Variants in SLC4A4 observed in about 807,000 individuals in gnomAD.
SLC4A4 encodes solute carrier family 4 member 4.
Under a neutral mutation model 111.5 loss-of-function variants are expected in SLC4A4, and 27 were observed. The ratio of observed to expected loss-of-function variants is 0.24; its 90% CI spans 0.18 to 0.33. The LOEUF (loss-of-function observed/expected upper bound fraction) is 0.33. Among genes scored for constraint, SLC4A4 ranks in the 10% least tolerant of loss-of-function variants. The pLI is 1.00. For missense variants in SLC4A4, 909 were observed against 1,315.5 expected (o/e 0.69, Z 4.78); for synonymous variants, 443 against 463.4 (o/e 0.96, Z 0.57).
intron 6 of SLC4A4, among the ~76,000 whole-genome samples, chr4:71,373,530 A>G (rs929382721): frequency 6.6e-6 from 1 of 152,212 alleles, no homozygotes; most frequent in Non-Finnish European, 1.5e-5. Context: ...AGTATAAATA[A>G]GAGTTTGTAT....
intron 1 of SLC4A4, among the ~76,000 whole-genome samples, chr4:71,211,775 T>G (rs1401217773): frequency 4.9e-3 from 2 of 406 alleles, no homozygotes; most frequent in East Asian, 0.12. Flanking sequence ...TTATCTGTTT[T>G]TTTTTTTTTT....
intron 24 of SLC4A4, among the ~76,000 whole-genome samples, chr4:71,564,857 C>T (rs1230299155): frequency 6.6e-6 from 1 of 151,820 alleles, no homozygotes; most frequent in Admixed American, 6.6e-5. Flanking sequence ...TACAATAAAA[C>T]TCAGCAGCTT....
chr4:71,079,591 C>T (rs1741937145), intron 1 of SLC4A4, among the ~76,000 whole-genome samples: 1 of 151,978 alleles, frequency 6.6e-6, no homozygotes, highest in African/African-American at 2.4e-5. Context: ...GCCTGGGCAA[C>T]ATAGCAAGAC....
chr4:71,171,451 T>C (rs1313661219), intron 2 of SLC4A4, among the ~76,000 whole-genome samples: 1 of 152,198 alleles, frequency 6.6e-6, no homozygotes, highest in Non-Finnish European at 1.5e-5. Context: ...GGTCAGTCAC[T>C]TGATGTTTCT....
chr4:71,520,186 A>G (rs1015450555), intron 16 of SLC4A4, among the ~76,000 whole-genome samples: 1 of 152,128 alleles, frequency 6.6e-6, no homozygotes, highest in African/African-American at 2.4e-5. Context: ...TTCACATGAA[A>G]CCTCTAAAGA....
intron 20 of SLC4A4, among the ~76,000 whole-genome samples, chr4:71,552,097 G>A (rs917745009): frequency 8.6e-5 from 13 of 151,704 alleles, no homozygotes; most frequent in Non-Finnish European, 1.6e-4. Flanking sequence ...TGCCAGTCAG[G>A]TCTTCATGAT....
At chr4:71,184,234 C>T, upstream of SLC4A4, among the ~76,000 whole-genome samples, 1 of 152,138 alleles carries the variant, frequency 6.6e-6, no homozygotes, top group East Asian at 1.9e-4. Flanking sequence ...CAACGCAGGG[C>T]CGATCAATTG....
In SLC4A4 at chr4:71,169,988, G is replaced by C. The variant is rs576090963; in HGVS notation, c.-1-66588G>C. Among the ~76,000 whole-genome samples, 4 of 152,166 alleles carry C rather than the reference G, an allele frequency of 2.6e-5. No homozygotes were observed. The South Asian group carries it at 8.3e-4, about 32-fold the overall frequency. The stretch of plus-strand genomic sequence containing the variant: ...TCATTCACTGTGCTCTACCGTCACC[G>C]ATCTCCCTTTGTTCCTCAACCCTCA... On this transcript the variant is annotated intron_variant, in intron 2 of 26. Coordinates refer to the SLC4A4 transcript ENST00000649996.
At chr4:71,236,432 G>A (rs1269893994) in intron 1 of SLC4A4, 144 bp from the exon 2 acceptor site, 2 of 798,790 alleles carry the variant, frequency 2.5e-6, no homozygotes, top group African/African-American at 1.7e-5. Context: ...GCGTGAAGCA[G>A]TAGCAGACAC....
chr4:71,475,572 A>G (rs989287722), intron 14 of SLC4A4, among the ~76,000 whole-genome samples: 9 of 151,860 alleles, frequency 5.9e-5, no homozygotes. Context: ...GGACTCTGAC[A>G]ATTCCTGCTA....
intron 1 of SLC4A4, among the ~76,000 whole-genome samples, chr4:71,199,693 A>C (rs1479182342): frequency 6.6e-6 from 1 of 152,098 alleles, no homozygotes; most frequent in African/African-American, 2.4e-5. Flanking sequence ...TTTGTTGCCC[A>C]GGCTGGAGTG....
intron 18 of SLC4A4, among the ~76,000 whole-genome samples, chr4:71,535,195 G>A (rs1337098672): frequency 6.6e-6 from 1 of 152,078 alleles, no homozygotes; most frequent in Admixed American, 6.6e-5. Flanking sequence ...CACCATATGA[G>A]GGAAGCATGA....
rs529201698 is a variant in SLC4A4 at position 71,418,388 on chromosome 4, A to G, written c.807+20735A>G. 4.6e-5 allele frequency among the ~76,000 whole-genome samples: 7 copies of G among 152,340 alleles called. No homozygotes were observed. In the South Asian group the frequency reaches 1.4e-3, roughly 32 times the overall value. On this transcript the variant is annotated intron_variant, in intron 7 of 25. Transcript: ENST00000264485. ...AGTATTCAAAAAGTAAAAACATGTC[A>G]CCAGAGCCTTTTGGCAACTTGTCTT... is the stretch of plus-strand genomic sequence containing the variant.
chr4:71,208,729 C>T (rs977304263), intron 1 of SLC4A4, among the ~76,000 whole-genome samples: 1 of 151,824 alleles, frequency 6.6e-6, no homozygotes, highest in Non-Finnish European at 1.5e-5. Context: ...TTTAAATCAC[C>T]TTTCTTTTTA....
At chr4:71,085,494 G>A (rs1742135866) in intron 1 of SLC4A4, among the ~76,000 whole-genome samples, 1 of 152,050 alleles carries the variant, frequency 6.6e-6, no homozygotes, top group African/African-American at 2.4e-5. Flanking sequence ...CCTATGTACT[G>A]AATGGTATTG....
intron 2 of SLC4A4, among the ~76,000 whole-genome samples, chr4:71,159,290 C>T (rs1441213491): frequency 1.3e-5 from 2 of 152,154 alleles, no homozygotes; most frequent in East Asian, 1.9e-4. Context: ...CAACTTCAAA[C>T]AATGATGCAG....
chr4:71,262,608 C>T (rs1056771232), intron 3 of SLC4A4, among the ~76,000 whole-genome samples: 1 of 152,164 alleles, frequency 6.6e-6, no homozygotes, highest in Non-Finnish European at 1.5e-5. Context: ...TCTGCCACTT[C>T]CTTTGAATTC....
chr4:71,120,785 C>T (rs1010630352), intron 2 of SLC4A4, among the ~76,000 whole-genome samples: 10 of 152,218 alleles, frequency 6.6e-5, no homozygotes, highest in South Asian at 2.1e-4. Context: ...GCAGCCCTCA[C>T]TCACTCTTGG....
chr4:71,087,953 AT>A (rs1409186589), intron 1 of SLC4A4, among the ~76,000 whole-genome samples: 1 of 151,804 alleles, frequency 6.6e-6, no homozygotes, highest in Non-Finnish European at 1.5e-5. Flanking sequence ...CAATTCCTGG[AT>A]ATCCTTGTTA....
Sources: allele counts gnomAD v4.1 joint callset (sites outside exome capture counted in the v4.1 genomes callset), GRCh38; gene constraint gnomAD v4.1.1; transcripts MANE v1.5; gene names NCBI Gene and HGNC (gene_info 2026-07-23, HGNC 2026-07-21).